The following MAPKAP1 variants were observed in gnomAD, a reference collection of about 807,000 sequenced individuals.
MAPKAP1 encodes target of rapamycin complex 2 subunit MAPKAP1.
A neutral mutation model predicts 65.7 loss-of-function variants in MAPKAP1; 20 were observed. The ratio of observed to expected loss-of-function variants is 0.30; its 90% confidence interval spans 0.21 to 0.44. The LOEUF (loss-of-function observed/expected upper bound fraction) is 0.44. Among genes scored for constraint, MAPKAP1 ranks in the 20% least tolerant of loss-of-function variants. The probability of loss-of-function intolerance (pLI) is 1.00; values close to 1 mark genes in which losing one functional copy is unlikely to be tolerated. For synonymous variants in MAPKAP1, 222 were observed against 244.3 expected (o/e 0.91, Z 0.85); for missense variants, 423 against 648.0 (o/e 0.65, Z 3.77).
chr9:125,626,852 C>T, intron 4 of MAPKAP1, among the ~76,000 whole-genome samples: 1 of 152,304 alleles, frequency 6.6e-6, no homozygotes. Context: ...ACAATAATTA[C>T]TAACATATAT....
chr9:125,555,373 A>G (rs1316075224), intron 6 of MAPKAP1, among the ~76,000 whole-genome samples: 2 of 152,256 alleles, frequency 1.3e-5, no homozygotes, highest in Admixed American at 1.3e-4. Flanking sequence ...AAAATTGTCT[A>G]AGGTCATGCA....
chr9:125,438,186 G>C lies in MAPKAP1; in HGVS notation c.*701C>G. The C allele has an allele frequency of 2.5e-6, 1 of 394,302 alleles. No homozygotes were observed. The highest frequency in any genetic ancestry group is 4.5e-6 in the Non-Finnish European group (1 of 223,874). The allele number at this position is 394,302 out of a possible 1,614,324, so 24.4% of individuals were successfully genotyped here. A position where few individuals can be genotyped will look rare whatever the true frequency, so the allele number is the denominator to read the frequency against. On this transcript the variant is annotated 3_prime_UTR_variant, in exon 12 of 12. Coordinates refer to ENST00000265960, the MANE Select transcript of MAPKAP1 (RefSeq NM_001006617.3). ...ACCCCACACTGTCCACGCAGCTCCT[G>C]GGCTCTGAGGTCAGAAGCTGGGGTG...
In MAPKAP1 at chr9:125,691,951, CA is replaced by C. The variant is rs75243084; in HGVS notation, c.-70+15019del. Among the ~76,000 whole-genome samples the C allele has an allele frequency of 2.8e-3, 426 of 152,284 alleles. 6 individuals are homozygous for C. The highest frequency in any genetic ancestry group is 0.017 in the East Asian group (88 of 5,182). On this transcript the variant is annotated intron_variant, in intron 1 of 11. Transcript: ENST00000265960. ...ATGGATCATTTCCCACCTATTTAAA[CA>C]AAAGTCTTGTGGAATTCCTAGAGCC... is the stretch of plus-strand genomic sequence containing the variant.
chr9:125,511,848 C>T (rs987942868), intron 7 of MAPKAP1, among the ~76,000 whole-genome samples: 2 of 152,192 alleles, frequency 1.3e-5, no homozygotes, highest in Non-Finnish European at 2.9e-5. Flanking sequence ...GAGAGGAACA[C>T]AAAAGGAAGA....
rs34657276 is a variant in MAPKAP1, at chr9:125,689,462, A to AAAC, written c.-69-16820_-69-16819insGTT. 9.0e-3 allele frequency among the ~76,000 whole-genome samples: 950 copies of AAAC among 105,074 alleles called. 178 individuals carry two copies. The highest frequency in any genetic ancestry group is 0.015 in the Non-Finnish European group (680 of 46,226). The allele number at this position is 105,074 out of a possible 152,430, so 68.9% of individuals were successfully genotyped here. A position where few individuals can be genotyped will look rare whatever the true frequency, so the allele number is the denominator to read the frequency against. The stretch of plus-strand genomic sequence containing the variant: ...AAAAAAAAAAAAAAAAAAAAAAAAA[A>AAAC]CAGGCCAGGCACAGTGGCTCACGCC... On this transcript the variant is annotated intron_variant, in intron 1 of 11. Transcript: ENST00000265960.
intron 5 of MAPKAP1, among the ~76,000 whole-genome samples, chr9:125,584,848 A>C (rs1049431876): frequency 1.3e-5 from 2 of 152,204 alleles, no homozygotes; most frequent in Non-Finnish European, 2.9e-5. Flanking sequence ...GGGGAGAGGC[A>C]ATGCAGCAAA....
chr9:125,621,578 C>T (rs962854796), intron 4 of MAPKAP1, among the ~76,000 whole-genome samples: 10 of 152,298 alleles, frequency 6.6e-5, no homozygotes, highest in African/African-American at 2.4e-4. Flanking sequence ...AAGCTCTTTT[C>T]AAGGATGTTT....
intron 4 of MAPKAP1, among the ~76,000 whole-genome samples, chr9:125,609,633 C>T (rs1031445903): frequency 2.6e-5 from 4 of 152,070 alleles, no homozygotes; most frequent in Admixed American, 6.5e-5. Flanking sequence ...CACTTGTCAC[C>T]GGGCCTGGCC....
chr9:125,611,934 A>G (rs1441830304), intron 4 of MAPKAP1, among the ~76,000 whole-genome samples: 1 of 152,224 alleles, frequency 6.6e-6, no homozygotes, highest in Admixed American at 6.5e-5. Context: ...TAACAGATTT[A>G]CAGATTGAGT....
chr9:125,621,267 T>C (rs1361234897), intron 4 of MAPKAP1, among the ~76,000 whole-genome samples: 4 of 151,546 alleles, frequency 2.6e-5, no homozygotes, highest in African/African-American at 4.9e-5. Context: ...GCAAGACACT[T>C]TCTCAAAAAA....
intron 7 of MAPKAP1, among the ~76,000 whole-genome samples, chr9:125,529,260 A>G (rs1829867439): frequency 6.6e-6 from 1 of 152,204 alleles, no homozygotes; most frequent in African/African-American, 2.4e-5. Context: ...AATTCCTATC[A>G]AATGTGTTTT....
chr9:125,616,262 A>C (rs1198915664), intron 4 of MAPKAP1, among the ~76,000 whole-genome samples: 7 of 152,204 alleles, frequency 4.6e-5, no homozygotes. Context: ...AACTATAAAA[A>C]CTTTAAATAC....
intron 1 of MAPKAP1, among the ~76,000 whole-genome samples, chr9:125,681,551 G>T (rs1219136705): frequency 6.6e-6 from 1 of 151,970 alleles, no homozygotes. Context: ...CACTAACCTC[G>T]AAATGCCTCA....
chr9:125,446,319 A>T (rs1852712100), intron 10 of MAPKAP1, among the ~76,000 whole-genome samples: 1 of 152,188 alleles, frequency 6.6e-6, no homozygotes, highest in African/African-American at 2.4e-5. Context: ...ATTTCTGAAA[A>T]ACCTCACTTT....
At chr9:125,545,557 G>A (rs1213893732) in intron 6 of MAPKAP1, among the ~76,000 whole-genome samples, 4 of 152,180 alleles carry the variant, frequency 2.6e-5, no homozygotes, top group Non-Finnish European at 5.9e-5. Context: ...GGTTCTACAG[G>A]AACTACTGTA....
intron 4 of MAPKAP1, among the ~76,000 whole-genome samples, chr9:125,610,714 T>C (rs1014906513): frequency 1.3e-5 from 2 of 152,200 alleles, no homozygotes; most frequent in African/African-American, 2.4e-5. Flanking sequence ...CGAACCTTCA[T>C]ATGAAATTTC....
chr9:125,620,560 T>C (rs1479543503), intron 4 of MAPKAP1, among the ~76,000 whole-genome samples: 3 of 152,212 alleles, frequency 2.0e-5, no homozygotes, highest in Non-Finnish European at 4.4e-5. Flanking sequence ...TACAAGATTA[T>C]TCACCACAGC....
rs1254162853 is a variant in MAPKAP1, at chr9:125,672,653, T to C, written c.-69-10A>G. Reference sequence around the variant, plus strand: ...TCACGAGCTCACCTACCTAGAAACATGATGTACACAGCAAATATTTAAGAA... The same window carrying C: ...TCACGAGCTCACCTACCTAGAAACACGATGTACACAGCAAATATTTAAGAA... On this transcript the variant is annotated splice_polypyrimidine_tract_variant and intron_variant, in intron 1 of 11. Coordinates refer to ENST00000265960, the MANE Select transcript of MAPKAP1 (RefSeq NM_001006617.3). 5 of 1,457,192 alleles carry C rather than the reference T, an allele frequency of 3.4e-6. No individual in the cohort carries two copies. Among genetic ancestry groups the C allele is most frequent in the East Asian group, 4.5e-5 (2 of 44,004 alleles). The allele number at this position is 1,457,192 out of a possible 1,614,324, so 90.3% of individuals were successfully genotyped here.
At chr9:125,592,671 G>A (rs373639901) in intron 4 of MAPKAP1, among the ~76,000 whole-genome samples, 29 of 152,222 alleles carry the variant, frequency 1.9e-4, no homozygotes, top group African/African-American at 7.0e-4. Context: ...TTGGGAGGCC[G>A]AGGCGGGCAG....
Sources: gnomAD v4.1 joint callset for allele counts (sites outside exome capture counted in the v4.1 genomes callset) on GRCh38, gnomAD v4.1.1 for gene constraint, MANE v1.5 for transcripts, NCBI Gene and HGNC (gene_info 2026-07-23, HGNC 2026-07-21) for gene names.